GABRA3: variants seen among roughly 807,000 people sequenced by gnomAD.
GABRA3 encodes gamma-aminobutyric acid receptor subunit alpha-3.
GABRA3 carries 10 observed loss-of-function variants against 30.1 expected under a neutral mutation model. The observed-to-expected ratio is 0.33, with a 90% CI of 0.20 to 0.56. The LOEUF (loss-of-function observed/expected upper bound fraction) is 0.56. Among genes scored for constraint, GABRA3 ranks in the 20% least tolerant of loss-of-function variants. The pLI is 0.89. For missense variants in GABRA3, 233 were observed against 392.0 expected (o/e 0.59, Z 3.42); for synonymous variants, 151 against 146.8 (o/e 1.03, Z -0.21).
At chrX:152,316,624 C>T (rs1400431312) in intron 3 of GABRA3, among the ~76,000 whole-genome samples, 1 of 111,657 alleles carries the variant, frequency 9.0e-6, no homozygotes, top group East Asian at 2.8e-4. Flanking sequence ...ACCAGGTAAC[C>T]TATAAAGGAA....
At chrX:152,207,897 C>G in intron 7 of GABRA3, 104 bp downstream of exon 7, 2 of 764,717 alleles carry the variant, frequency 2.6e-6, no homozygotes, top group Non-Finnish European at 3.8e-6. Context: ...CTATCTTTGT[C>G]ACAACATTGT....
At chrX:152,191,030 G>C (rs1937318692) in intron 8 of GABRA3, among the ~76,000 whole-genome samples, 1 of 108,565 alleles carries the variant, frequency 9.2e-6, no homozygotes, top group Non-Finnish European at 1.9e-5. Flanking sequence ...GTAAAAGGGG[G>C]GTAATAACAC....
intron 5 of GABRA3, among the ~76,000 whole-genome samples, chrX:152,253,466 A>G (rs1266269782): frequency 1.8e-5 from 2 of 111,211 alleles, no homozygotes; most frequent in Non-Finnish European, 3.8e-5. Context: ...CTATAGTACC[A>G]TCTTTCACCC....
intron 3 of GABRA3, among the ~76,000 whole-genome samples, chrX:152,320,510 G>T (rs1939945938): frequency 9.0e-6 from 1 of 111,322 alleles, no homozygotes; most frequent in African/African-American, 3.3e-5. Flanking sequence ...CTCATAAATG[G>T]GAGCTAAACT....
chrX:152,177,041 G>GAC (rs1417369260), intron 9 of GABRA3, among the ~76,000 whole-genome samples: 5 of 111,839 alleles, frequency 4.5e-5, no homozygotes, highest in Non-Finnish European at 7.5e-5. Flanking sequence ...GTGAGGAGTT[G>GAC]ACACCTTTTT....
At chrX:152,194,979 T>G (rs1269168461) in intron 8 of GABRA3, among the ~76,000 whole-genome samples, 1 of 111,356 alleles carries the variant, frequency 9.0e-6, no homozygotes, top group Non-Finnish European at 1.9e-5. Context: ...AGGCTGGTCT[T>G]GAACTCCTAG....
intron 3 of GABRA3, among the ~76,000 whole-genome samples, chrX:152,303,466 T>C (rs751651486): frequency 4.7e-4 from 53 of 111,590 alleles, no homozygotes; most frequent in African/African-American, 1.6e-3. Flanking sequence ...TTACTGGGTA[T>C]ATACCCAAAG....
intron 6 of GABRA3, among the ~76,000 whole-genome samples, chrX:152,214,916 G>T (rs1937688620): frequency 9.2e-6 from 1 of 108,417 alleles, no homozygotes. Flanking sequence ...TGTGGATTTT[G>T]TATCCTTCCA....
At chrX:152,353,472 T>C (rs747979288) in intron 2 of GABRA3, among the ~76,000 whole-genome samples, 1 of 111,551 alleles carries the variant, frequency 9.0e-6, no homozygotes, top group African/African-American at 3.3e-5. Context: ...TAAGCAATAC[T>C]GTTTCTCATG....
chrX:152,353,851 C>A (rs775610857), intron 2 of GABRA3, among the ~76,000 whole-genome samples: 1 of 111,301 alleles, frequency 9.0e-6, no homozygotes, highest in South Asian at 3.8e-4. Flanking sequence ...CCTGACATAA[C>A]GCAACAGGAA....
intron 1 of GABRA3, among the ~76,000 whole-genome samples, chrX:152,437,185 T>C (rs754880743): frequency 8.9e-6 from 1 of 111,828 alleles, no homozygotes; most frequent in Non-Finnish European, 1.9e-5. Context: ...GATACAAGAC[T>C]AATCTTCAAA....
At chrX:152,323,924 G>C (rs915895809) in intron 3 of GABRA3, among the ~76,000 whole-genome samples, 1 of 112,008 alleles carries the variant, frequency 8.9e-6, no homozygotes, top group Non-Finnish European at 1.9e-5. Context: ...TTGGAAACTA[G>C]CCCTTTGTCT....
chrX:152,351,806 T>C (rs780826146), intron 2 of GABRA3, among the ~76,000 whole-genome samples: 2 of 111,461 alleles, frequency 1.8e-5, no homozygotes, highest in Non-Finnish European at 3.8e-5. Context: ...GAGAGCCATG[T>C]AAATTTTTAT....
intron 1 of GABRA3, among the ~76,000 whole-genome samples, chrX:152,421,122 C>T (rs942461228): frequency 2.7e-5 from 3 of 109,342 alleles, no homozygotes; most frequent in Non-Finnish European, 5.7e-5. Flanking sequence ...CACACACACA[C>T]ACACACACAC....
At chrX:152,289,349 G>GA (rs1220078154) in intron 3 of GABRA3, among the ~76,000 whole-genome samples, 67 of 106,036 alleles carry the variant, frequency 6.3e-4, no homozygotes, top group Non-Finnish European at 1.0e-3. Context: ...TTCCCTTTAA[G>GA]AAAAAAAAAT....
intron 1 of GABRA3, among the ~76,000 whole-genome samples, chrX:152,385,950 A>G (rs1929294208): frequency 9.1e-6 from 1 of 110,162 alleles, no homozygotes; most frequent in Non-Finnish European, 1.9e-5. Context: ...CCATTGATCT[A>G]TATCTCTGTT....
intron 3 of GABRA3, among the ~76,000 whole-genome samples, chrX:152,344,480 A>G (rs1341960097): frequency 8.9e-6 from 1 of 112,028 alleles, no homozygotes; most frequent in Non-Finnish European, 1.9e-5. Flanking sequence ...TTTTGCCACC[A>G]TAATTGTTAT....
intron 1 of GABRA3, among the ~76,000 whole-genome samples, chrX:152,416,288 T>G (rs1602717799): frequency 2.1e-5 from 2 of 94,803 alleles, no homozygotes; most frequent in East Asian, 6.6e-4. Context: ...TCAAAGAGAA[T>G]AAAATACCTA....
At chrX:152,413,064 T>C (rs1253581884) in intron 1 of GABRA3, among the ~76,000 whole-genome samples, 1 of 111,050 alleles carries the variant, frequency 9.0e-6, no homozygotes, top group Non-Finnish European at 1.9e-5. Context: ...AGACACTTTA[T>C]GATTACATTT....
Sources: allele counts gnomAD v4.1 joint callset (sites outside exome capture counted in the v4.1 genomes callset), GRCh38; gene constraint gnomAD v4.1.1; transcripts MANE v1.5; gene names NCBI Gene and HGNC (gene_info 2026-07-23, HGNC 2026-07-21).